WSCD1: variants seen among roughly 807,000 people sequenced by gnomAD.
WSCD1 encodes WSC domain sialate O sulfotransferase 1.
WSCD1 carries 41 observed loss-of-function variants against 60.4 expected under a neutral mutation model. The observed-to-expected ratio is 0.68, with a 90% CI of 0.53 to 0.88. The LOEUF (loss-of-function observed/expected upper bound fraction) is 0.88. Ranked by LOEUF, WSCD1 falls within the 40% of genes least tolerant of loss-of-function variation. The pLI, the probability that WSCD1 is intolerant of heterozygous loss-of-function variation, is 0.00. For synonymous variants in WSCD1, 361 were observed against 332.5 expected (o/e 1.09, Z -0.93); for missense variants, 784 against 796.2 (o/e 0.98, Z 0.18).
intron 4 of WSCD1, among the ~76,000 whole-genome samples, chr17:6,093,097 A>T (rs1429496043): frequency 6.6e-6 from 1 of 152,260 alleles, no homozygotes; most frequent in Non-Finnish European, 1.5e-5. Context: ...CAAGTCATCA[A>T]CGTCTTCGCC....
Position 6,101,605 on chromosome 17 carries a change from T to C in WSCD1, c.849+6382T>C, listed in dbSNP as rs1910801786. The stretch of plus-strand genomic sequence containing the variant: ...GAAAAAGAACATTCCAGGTGATATC[T>C]GCATCTTAATGATCTGACTCTCTGC... On this transcript the variant is annotated intron_variant, in intron 5 of 8. Coordinates refer to ENST00000317744, the MANE Select transcript of WSCD1 (RefSeq NM_015253.2). The surrounding 1 kb of genome is among the most constrained non-coding windows in gnomAD (Gnocchi z 4.1). 6.6e-6 allele frequency among the ~76,000 whole-genome samples: 1 copy of C among 152,182 alleles called. No homozygotes were observed. The highest frequency in any genetic ancestry group is 2.4e-5 in the African/African-American group (1 of 41,444).
intron 7 of WSCD1, among the ~76,000 whole-genome samples, chr17:6,117,573 G>A (rs1904364280): frequency 6.6e-6 from 1 of 152,250 alleles, no homozygotes; most frequent in Non-Finnish European, 1.5e-5. Flanking sequence ...CTCACTCTGT[G>A]CCTTAGTCTC....
At chr17:6,111,543 A>G (rs909555882) in intron 7 of WSCD1, among the ~76,000 whole-genome samples, 1 of 152,126 alleles carries the variant, frequency 6.6e-6, no homozygotes, top group Admixed American at 6.6e-5. Context: ...TCTACTAAAA[A>G]TACAAAAATT....
chr17:6,083,377 C>G (rs1040662111), intron 2 of WSCD1, among the ~76,000 whole-genome samples: 1 of 152,208 alleles, frequency 6.6e-6, no homozygotes, highest in Non-Finnish European at 1.5e-5. Context: ...GGAGCTCGGT[C>G]TGGTGATAGA....
chr17:6,071,636 A>G (rs1908550721), intron 1 of WSCD1, among the ~76,000 whole-genome samples: 1 of 152,176 alleles, frequency 6.6e-6, no homozygotes. Context: ...TGGCATCAGG[A>G]GTGGGGGCCT....
At chr17:6,115,060 G>T (rs1472110771) in intron 7 of WSCD1, among the ~76,000 whole-genome samples, 1 of 152,138 alleles carries the variant, frequency 6.6e-6, no homozygotes, top group African/African-American at 2.4e-5. Flanking sequence ...GTAAAAAAGA[G>T]AATCACTTGG....
rs201969388 is a variant in WSCD1 at position 6,080,746 on chromosome 17, G to A, written c.88G>A (p.Gly30Ser). 239 of 1,612,220 alleles carry A rather than the reference G, an allele frequency of 1.5e-4. No homozygotes were observed. The highest frequency in any genetic ancestry group is 2.4e-5 in the Non-Finnish European group (28 of 1,179,700). The change falls in exon 2 of 9, where the codon GGC becomes AGC. Residue 30 changes from glycine (G) to serine (S), a missense_variant. Transcript: ENST00000317744. The surrounding 1 kb of genome is among the most constrained non-coding windows in gnomAD (Gnocchi z 6.6). ...CCTCACGGCTGCCTACCTGATGACC[G>A]GCAGCCTGCTGCTGCTGCAGCGGGT... The part of the protein sequence containing the change: ...FFLTAAYLMT[G>S]SLLLLQRVRV...
At chr17:6,114,321 A>G (rs1397185202) in intron 7 of WSCD1, among the ~76,000 whole-genome samples, 1 of 152,152 alleles carries the variant, frequency 6.6e-6, no homozygotes, top group East Asian at 1.9e-4. Context: ...TGGAGAGTAG[A>G]ATAGTGGTCA....
intron 4 of WSCD1, among the ~76,000 whole-genome samples, chr17:6,092,507 C>T (rs1375928646): frequency 2.0e-5 from 3 of 152,166 alleles, no homozygotes; most frequent in African/African-American, 4.8e-5. Flanking sequence ...GGCAGTGTCT[C>T]ACCGACACCT....
chr17:6,088,696 G>GCA (rs66881392), intron 3 of WSCD1, among the ~76,000 whole-genome samples: 122 of 150,150 alleles, frequency 8.1e-4, no homozygotes, highest in Middle Eastern at 3.5e-3. Flanking sequence ...TGTGTGTGCT[G>GCA]CACACACACA....
chr17:6,123,986 C>A lies in WSCD1; in HGVS notation c.*3325C>A, dbSNP rs903892213. ...TTCATTCCTCCATTTCCTTTCCCAGCAACCCCCCATTTCTGTTTGGGAATT... is the reference window on the plus strand; with the variant it reads ...TTCATTCCTCCATTTCCTTTCCCAGAAACCCCCCATTTCTGTTTGGGAATT... On this transcript the variant is annotated 3_prime_UTR_variant, in exon 9 of 9. Transcript: ENST00000317744. The A allele has an allele frequency of 6.6e-6, 1 of 152,222 alleles. No individual in the cohort carries two copies. The highest frequency in any genetic ancestry group is 2.4e-5 in the African/African-American group (1 of 41,460). The allele number at this position is 152,222 out of a possible 1,614,324, so 9.4% of individuals were successfully genotyped here.
rs548308691 is a variant in WSCD1 at position 6,101,727 on chromosome 17, G to C, written c.849+6504G>C. ...ATCGTATGGAGATGGAAAGAGACCT[G>C]CTCATTCTCAGTCCCCTTCAGGATC... On this transcript the variant is annotated intron_variant, in intron 5 of 8. Coordinates refer to ENST00000317744, the MANE Select transcript of WSCD1 (RefSeq NM_015253.2). The surrounding 1 kb of genome is among the most constrained non-coding windows in gnomAD (Gnocchi z 4.1). Among the ~76,000 whole-genome samples, 1 of 152,288 alleles carries C rather than the reference G, an allele frequency of 6.6e-6. No homozygotes were observed. Among genetic ancestry groups the C allele is most frequent in the Admixed American group, 6.5e-5 (1 of 15,288 alleles).
At chr17:6,090,954 A>C (rs1360813540) in intron 4 of WSCD1, among the ~76,000 whole-genome samples, 1 of 152,104 alleles carries the variant, frequency 6.6e-6, no homozygotes, top group Non-Finnish European at 1.5e-5. Flanking sequence ...GCAATGGCCC[A>C]ATCTCGGCTC....
At chr17:6,111,763 T>G (rs1911429562) in intron 7 of WSCD1, among the ~76,000 whole-genome samples, 1 of 146,460 alleles carries the variant, frequency 6.8e-6, no homozygotes, top group Admixed American at 6.8e-5. Context: ...AACACAATAA[T>G]TCTCCAATAA....
At chr17:6,077,088 CT>C (rs34145700) in intron 1 of WSCD1, among the ~76,000 whole-genome samples, 26,248 of 122,300 alleles carry the variant, frequency 0.21, 1,874 homozygotes, top group Non-Finnish European at 0.24. Flanking sequence ...GTTCCTGATG[CT>C]TTTTTTTTTT....
chr17:6,070,268 C>T (rs1908442083), upstream of WSCD1, among the ~76,000 whole-genome samples: 3 of 96,400 alleles, frequency 3.1e-5, no homozygotes, highest in African/African-American at 5.9e-5. Flanking sequence ...GGGCGTGGGC[C>T]CCCTCCGGCG....
rs1363565231 is a variant in WSCD1, at chr17:6,080,973, C to G, written c.315C>G (p.Arg105=). Residue 105 remains arginine, a synonymous_variant, in exon 2 of 9, where the codon CGC becomes CGG. Coordinates refer to ENST00000317744, the MANE Select transcript of WSCD1 (RefSeq NM_015253.2). This position sits in a 1 kb window ranked among gnomAD's most constrained non-coding sequence, Gnocchi z 6.6. ...PRPGPRWLRS[R]NSELRQLRRR... ...CCGGCCCCCGCTGGCTCCGGAGCCG[C>G]AACTCGGAGCTGCGTCAGTTGCGTC... is the stretch of plus-strand genomic sequence containing the variant. 2 of 1,552,170 alleles carry G rather than the reference C, an allele frequency of 1.3e-6. No individual in the cohort carries two copies. The highest frequency in any genetic ancestry group is 1.9e-5 in the Admixed American group (1 of 51,530).
At chr17:6,085,057 A>C (rs1909541759) in intron 2 of WSCD1, 1 of 152,156 alleles carries the variant, frequency 6.6e-6, no homozygotes, top group Non-Finnish European at 1.5e-5. Flanking sequence ...TGACTGCTTG[A>C]AACAATTTTT....
At chr17:6,111,115 G>T (rs983783839) in intron 7 of WSCD1, among the ~76,000 whole-genome samples, 180 bp downstream of exon 7, 1 of 152,020 alleles carries the variant, frequency 6.6e-6, no homozygotes, top group East Asian at 1.9e-4. Flanking sequence ...AGACCAGCCC[G>T]CCTGGTGGTC....
Sources: allele counts gnomAD v4.1 joint callset (sites outside exome capture counted in the v4.1 genomes callset), GRCh38; gene constraint gnomAD v4.1.1; non-coding constraint Gnocchi (gnomAD v3.1); transcripts MANE v1.5; gene names NCBI Gene and HGNC (gene_info 2026-07-23, HGNC 2026-07-21).